The following CFAP251 variants were observed in gnomAD, a reference collection of about 807,000 sequenced individuals.
The protein encoded by CFAP251 is cilia- and flagella-associated protein 251.
In CFAP251, 93 loss-of-function variants were observed where a neutral mutation model predicts 126.7. The ratio of observed to expected loss-of-function variants is 0.73; its 90% confidence interval spans 0.62 to 0.87. The LOEUF is 0.87. Among genes scored for constraint, CFAP251 ranks in the 40% least tolerant of loss-of-function variants. CFAP251 has a pLI of 0.00. For synonymous variants in CFAP251, 503 were observed against 506.9 expected (o/e 0.99, Z 0.10); for missense variants, 1,287 against 1,389.2 (o/e 0.93, Z 1.17).
In CFAP251 at chr12:121,975,241, C is replaced by T; in HGVS notation, c.2772-3C>T. The stretch of plus-strand genomic sequence containing the variant: ...AATAGAGACATTTCTGTTGTTGTTC[C>T]AGTGTCCTGGAGGCAGCGGTTTCTC... On this transcript the variant is annotated splice_region_variant and splice_polypyrimidine_tract_variant and intron_variant, in intron 17 of 21. Coordinates refer to ENST00000288912, the MANE Select transcript of CFAP251 (RefSeq NM_144668.6). The T allele has an allele frequency of 6.2e-7, 1 of 1,613,622 alleles. No homozygotes were observed. The highest frequency in any genetic ancestry group is 8.5e-7 in the Non-Finnish European group (1 of 1,179,754).
At chr12:121,919,130 T>C (rs1880047675) in intron 1 of CFAP251, among the ~76,000 whole-genome samples, 1 of 58,328 alleles carries the variant, frequency 1.7e-5, no homozygotes. Context: ...ATTTATTTAT[T>C]ATTATTATTA....
chr12:121,988,802 C>T (rs982519894), intron 19 of CFAP251, among the ~76,000 whole-genome samples: 2 of 145,506 alleles, frequency 1.4e-5, no homozygotes, highest in Admixed American at 7.1e-5. Flanking sequence ...ATGGCGCGAT[C>T]TCGGCTCACT....
At chr12:121,983,899 A>G (rs1882686395) in intron 19 of CFAP251, among the ~76,000 whole-genome samples, 1 of 152,174 alleles carries the variant, frequency 6.6e-6, no homozygotes, top group Non-Finnish European at 1.5e-5. Context: ...ATTTATAGTG[A>G]TTAAAAAAAA....
rs773401985 is a variant in CFAP251, at chr12:121,958,948, C to T, written c.1987C>T (p.Leu663Phe). The T allele has an allele frequency of 6.3e-7, 1 of 1,583,316 alleles. No homozygotes were observed. Residue 663 changes from leucine to phenylalanine, a missense_variant, in exon 13 of 22, where the codon CTT becomes TTT. Transcript: ENST00000288912. The part of the protein sequence containing the change: ...QSLTYNPEGA[L>F]LGAGFTEGTV... ...TCTCTGGCTTGTCATTTCAGGAGCC[C>T]TTCTTGGAGCTGGCTTTACAGAGGG...
At chr12:121,943,750 A>G (rs1881217894) in intron 7 of CFAP251, among the ~76,000 whole-genome samples, 1 of 152,096 alleles carries the variant, frequency 6.6e-6, no homozygotes, top group Non-Finnish European at 1.5e-5. Flanking sequence ...AAACCCTTTC[A>G]TTTCCTGATC....
At position 121,923,499 on chromosome 12, in the gene CFAP251, A is replaced by G. The variant is rs573646409; in HGVS notation, c.379-123A>G. ...AGTACAAAATGTTCCAGCCTCTTTT[A>G]AAAAACATTTCATAATTCCTAGGTG... On this transcript the variant is annotated intron_variant, in intron 2 of 21. Transcript: ENST00000288912. The G allele has an allele frequency of 2.2e-5, 29 of 1,319,892 alleles. No individual in the cohort carries two copies. In the East Asian group the frequency reaches 6.8e-4, roughly 31 times the overall value. 81.8% of individuals were successfully genotyped at this position (1,319,892 alleles called of 1,614,324 possible). A position where few individuals can be genotyped will look rare whatever the true frequency, so the allele number is the denominator to read the frequency against.
chr12:121,968,930 C>A (rs1387329873), intron 17 of CFAP251: 12 of 985,290 alleles, frequency 1.2e-5, no homozygotes, highest in Non-Finnish European at 1.4e-5. Flanking sequence ...AAAGAGGGGA[C>A]AAGCACCCAC....
rs1357007171 is a variant in CFAP251 at position 121,923,698 on chromosome 12, T to G, written c.455T>G (p.Leu152Arg). The G allele has an allele frequency of 1.2e-6, 2 of 1,614,192 alleles. No homozygotes were observed. Among genetic ancestry groups the G allele is most frequent in the East Asian group, 2.2e-5 (1 of 44,886 alleles). Residue 152 changes from leucine to arginine, a missense_variant, in exon 3 of 22, where the codon CTG (leucine) becomes CGG (arginine). Transcript: ENST00000288912. ...DAETDELLRD[L>R]STQIEFLDLD... Reference sequence around the variant, plus strand: ...GAAACAGATGAGCTTTTAAGAGACCTGAGCACACAAATTGAATTTCTTGAT... The same window carrying G: ...GAAACAGATGAGCTTTTAAGAGACCGGAGCACACAAATTGAATTTCTTGAT...
intron 19 of CFAP251, among the ~76,000 whole-genome samples, chr12:121,983,716 G>T (rs898816067): frequency 6.6e-6 from 1 of 151,296 alleles, no homozygotes; most frequent in Non-Finnish European, 1.5e-5. Context: ...CTCACCCTTG[G>T]ATTACAGGGC....
At position 121,989,682 on chromosome 12, in the gene CFAP251, T is replaced by C. The variant is rs1882830265; in HGVS notation, c.3007-10034T>C. On this transcript the variant is annotated intron_variant, in intron 19 of 21. Coordinates refer to ENST00000288912, the MANE Select transcript of CFAP251 (RefSeq NM_144668.6). The surrounding 1 kb of genome is among the most constrained non-coding windows in gnomAD (Gnocchi z 4.2). ...GACACTGTGCCCCATTAGTTGAGAA[T>C]GTTCTAGAGGGTATTGTGCGTTGGG... Among the ~76,000 whole-genome samples the C allele has an allele frequency of 6.6e-6, 1 of 152,050 alleles. No individual in the cohort carries two copies. The highest frequency in any genetic ancestry group is 2.1e-4 in the South Asian group (1 of 4,826).
intron 3 of CFAP251, among the ~76,000 whole-genome samples, chr12:121,924,859 C>G (rs1433094482): frequency 6.6e-6 from 1 of 152,160 alleles, no homozygotes; most frequent in East Asian, 1.9e-4. Flanking sequence ...CATAGTTTGT[C>G]TGTTGCATAG....
intron 12 of CFAP251, 35 bp from the exon 13 acceptor site, chr12:121,958,908 A>G: frequency 6.4e-7 from 1 of 1,553,890 alleles, no homozygotes; most frequent in Non-Finnish European, 8.6e-7. Context: ...AATGAATGTA[A>G]TCCTTTTCCA....
intron 10 of CFAP251, 33 bp downstream of exon 10, chr12:121,954,367 A>G: frequency 6.5e-7 from 1 of 1,542,096 alleles, no homozygotes; most frequent in East Asian, 2.4e-5. Context: ...ATAACTATGG[A>G]TAATTATAAA....
At chr12:121,975,192 C>A (rs915162604) in intron 17 of CFAP251, 52 bp from the exon 18 acceptor site, 1 of 1,509,504 alleles carries the variant, frequency 6.6e-7, no homozygotes. Context: ...CCTTCTGAGC[C>A]ATGCTCATGC....
chr12:121,953,772 C>A, intron 9 of CFAP251: 1 of 210,912 alleles, frequency 4.7e-6, no homozygotes, highest in Non-Finnish European at 9.6e-6. Flanking sequence ...ATTTTATAAC[C>A]AGAGCATGCT....
chr12:122,003,742 A>C lies in CFAP251; in HGVS notation c.3428A>C (p.Asp1143Ala). 1 of 1,609,586 alleles carries C rather than the reference A, an allele frequency of 6.2e-7. No individual in the cohort carries two copies. Among genetic ancestry groups the C allele is most frequent in the Non-Finnish European group, 8.5e-7 (1 of 1,178,632 alleles). The change falls in exon 22 of 22, where the codon GAT becomes GCT. Residue 1143 changes from aspartate (D) to alanine (A), a missense_variant. Physicochemically the swap from Asp to Ala is moderately radical, Grantham distance 126. Transcript: ENST00000288912. ...TEILGLTISEDSGQDGQ is the reference protein window; with the variant it reads ...TEILGLTISEASGQDGQ Reference sequence around the variant, plus strand: ...ATTCTTGGCTTAACCATTTCAGAAGATTCCGGCCAGGATGGTCAGTGAAGT... The same window carrying C: ...ATTCTTGGCTTAACCATTTCAGAAGCTTCCGGCCAGGATGGTCAGTGAAGT...
chr12:121,965,342 G>A (rs1882084737), intron 15 of CFAP251, among the ~76,000 whole-genome samples: 1 of 152,190 alleles, frequency 6.6e-6, no homozygotes, highest in East Asian at 1.9e-4. Context: ...TTCTGGGGGC[G>A]GGTGTGAATC....
intron 8 of CFAP251, chr12:121,951,167 G>A: frequency 5.3e-6 from 1 of 187,072 alleles, no homozygotes; most frequent in Admixed American, 5.8e-5. Context: ...TTTGCCGTGA[G>A]CTGAGATCGC....
In CFAP251 at chr12:121,960,755, C is replaced by G; in HGVS notation, c.2304C>G (p.Leu768=). 1 of 1,612,926 alleles carries G rather than the reference C, an allele frequency of 6.2e-7. No individual in the cohort carries two copies. The highest frequency in any genetic ancestry group is 8.5e-7 in the Non-Finnish European group (1 of 1,179,796). ...TGCTGAGCCTTGGGACAGACAGGCT[C>G]TTGGTGAGCTGTTTAGTTTTCGTTG... ...PRLLSLGTDR[L]LIEYDLLRSY... is the part of the protein sequence containing the mutation. The change falls in exon 14 of 22, where the codon CTC becomes CTG. Residue 768 remains leucine (L), a synonymous_variant. Transcript: ENST00000288912.
Sources: allele counts gnomAD v4.1 joint callset (sites outside exome capture counted in the v4.1 genomes callset), GRCh38; gene constraint gnomAD v4.1.1; non-coding constraint Gnocchi (gnomAD v3.1); transcripts MANE v1.5; gene names NCBI Gene and HGNC (gene_info 2026-07-23, HGNC 2026-07-21).